ATM: variants seen among roughly 807,000 people sequenced by gnomAD.
ATM encodes serine-protein kinase ATM.
Under a neutral mutation model 387.0 loss-of-function variants are expected in ATM, and 308 were observed. The observed-to-expected ratio is 0.80, with a 90% CI of 0.73 to 0.87. ATM has a LOEUF of 0.87. Ranked by LOEUF, ATM falls within the 40% of genes least tolerant of loss-of-function variation. ATM has a pLI of 0.00. For synonymous variants in ATM, 1,156 were observed against 1,187.3 expected (o/e 0.97, Z 0.54); for missense variants, 3,312 against 3,560.9 (o/e 0.93, Z 1.78).
At chr11:108,265,707 T>C (rs1345711244) in intron 16 of ATM, among the ~76,000 whole-genome samples, 1 of 143,030 alleles carries the variant, frequency 7.0e-6, no homozygotes, top group Non-Finnish European at 1.5e-5. Context: ...ACCTACAAAA[T>C]GGGAGAAAAT....
At chr11:108,258,708 G>A (rs2080665669) in intron 15 of ATM, among the ~76,000 whole-genome samples, 1 of 152,074 alleles carries the variant, frequency 6.6e-6, no homozygotes, top group South Asian at 2.1e-4. Context: ...TGGTGTAAGT[G>A]GGGAAGGAGA....
At chr11:108,355,280 C>T (rs1032878497) in intron 61 of ATM, 1 of 233,016 alleles carries the variant, frequency 4.3e-6, no homozygotes, top group Non-Finnish European at 8.5e-6. Flanking sequence ...AAATTGTCAG[C>T]ATCATTACTA....
chr11:108,258,973 G>T lies in ATM; in HGVS notation c.2377-13G>T. ...TTCTTTGTTGCTTGGTTCTTTGTTT[G>T]TCTTAATTGCAGAAGAGTCCAAATA... On this transcript the variant is annotated splice_polypyrimidine_tract_variant and intron_variant, in intron 15 of 62. Transcript: ENST00000675843. 6.2e-7 allele frequency: 1 copy of T among 1,604,072 alleles called. No homozygotes were observed. The highest frequency in any genetic ancestry group is 8.5e-7 in the Non-Finnish European group (1 of 1,171,248).
chr11:108,247,317 C>T (rs2079904207), intron 8 of ATM, among the ~76,000 whole-genome samples, 190 bp downstream of exon 8: 2 of 152,032 alleles, frequency 1.3e-5, no homozygotes, highest in African/African-American at 4.8e-5. Context: ...AATGCTTTTG[C>T]AGATATTTGA....
intron 16 of ATM, among the ~76,000 whole-genome samples, chr11:108,264,197 A>G (rs1178281645): frequency 2.0e-5 from 3 of 152,040 alleles, no homozygotes; most frequent in Admixed American, 2.0e-4. Flanking sequence ...ATGTTAGACC[A>G]ATATCCTTGA....
intron 4 of ATM, among the ~76,000 whole-genome samples, chr11:108,234,201 A>T (rs1315448052): frequency 1.3e-5 from 2 of 152,216 alleles, no homozygotes; most frequent in Non-Finnish European, 2.9e-5. Context: ...GCCTAAAATT[A>T]TGAAGTGAGC....
rs1349996464 is a variant in ATM, at chr11:108,354,791, TATA to T, written c.8787-17_8787-15del. ...ATTGGTGTGTAACAAAATCCGTATT[TATA>T]ATGTGTTTGACTCTAGATGCTGTGA... is the stretch of plus-strand genomic sequence containing the variant. On this transcript the variant is annotated splice_polypyrimidine_tract_variant and intron_variant, in intron 60 of 62. Coordinates refer to ENST00000675843, the MANE Select transcript of ATM (RefSeq NM_000051.4). 6.2e-7 allele frequency: 1 copy of T among 1,607,290 alleles called. No individual in the cohort carries two copies. Among genetic ancestry groups the T allele is most frequent in the Middle Eastern group, 1.7e-4 (1 of 6,044 alleles).
rs2086015388 is a variant in ATM, at chr11:108,329,308, G to C, written c.7307+70G>C. ...CTGAGTGAGTGTTTTTGCATAGAAA[G>C]AGTGACTTGGTCTTTTTATCTGATA... On this transcript the variant is annotated intron_variant, in intron 49 of 62. Transcript: ENST00000675843. The C allele has an allele frequency of 2.4e-5, 33 of 1,357,128 alleles. No homozygotes were observed. The African/African-American group carries it at 2.6e-4, about 11-fold the overall frequency. 84.1% of individuals were successfully genotyped at this position (1,357,128 alleles called of 1,614,324 possible).
chr11:108,365,126 G>T lies in ATM; in HGVS notation c.8895G>T (p.Leu2965Phe), dbSNP rs200899512. 14 of 1,614,138 alleles carry T rather than the reference G, an allele frequency of 8.7e-6. No homozygotes were observed. Among genetic ancestry groups the T allele is most frequent in the Non-Finnish European group, 1.2e-5 (14 of 1,180,008 alleles). The change falls in exon 62 of 63, where the codon TTG (leucine) becomes TTT (phenylalanine). Residue 2965 changes from leucine (L) to phenylalanine (F), a missense_variant. Coordinates refer to ENST00000675843, the MANE Select transcript of ATM (RefSeq NM_000051.4). ...DPLFDWTMNP[L>F]KALYLQQRPE... ...TCTTTGACTGGACCATGAATCCTTT[G>T]AAAGCTTTGTATTTACAGCAGAGGC...
intron 1 of ATM, chr11:108,225,911 G>A (rs1485630214): frequency 6.6e-6 from 1 of 152,154 alleles, no homozygotes; most frequent in African/African-American, 2.4e-5. Context: ...TTGAATCGGG[G>A]CAGAGAAACA....
chr11:108,279,059 A>T (rs1179154389), intron 22 of ATM, among the ~76,000 whole-genome samples: 1 of 152,218 alleles, frequency 6.6e-6, no homozygotes, highest in East Asian at 1.9e-4. Flanking sequence ...ACTTTTTTCC[A>T]TCACATAAAA....
intron 16 of ATM, 122 bp from the exon 17 acceptor site, chr11:108,267,049 G>A (rs546030478): frequency 2.0e-6 from 2 of 983,076 alleles, no homozygotes; most frequent in South Asian, 1.4e-5. Context: ...ACCTGGCTCT[G>A]CCTCCCAAAT....
chr11:108,259,095 T>G lies in ATM; in HGVS notation c.2466+20T>G, dbSNP rs1274505454. The G allele has an allele frequency of 6.3e-7, 1 of 1,591,484 alleles. No individual in the cohort carries two copies. The highest frequency in any genetic ancestry group is 8.6e-7 in the Non-Finnish European group (1 of 1,161,786). ...AGTTTAGTAAGTATGCTTCCTGTTT[T>G]GCTATCATATTTTGATTCTAATAGG... On this transcript the variant is annotated intron_variant, in intron 16 of 62. Coordinates refer to ENST00000675843, the MANE Select transcript of ATM (RefSeq NM_000051.4).
At chr11:108,256,784 T>G (rs918860865) in intron 14 of ATM, among the ~76,000 whole-genome samples, 6 of 152,200 alleles carry the variant, frequency 3.9e-5, no homozygotes, top group African/African-American at 1.4e-4. Flanking sequence ...TTTCTGTTCT[T>G]GTGTTAGTTT....
At chr11:108,336,073 G>A in intron 56 of ATM, 112 bp downstream of exon 56, 3 of 793,992 alleles carry the variant, frequency 3.8e-6, no homozygotes, top group Non-Finnish European at 4.3e-6. Context: ...AAGGTGGGAG[G>A]ATTGCTTGAG....
chr11:108,363,985 T>C (rs1279118258), intron 61 of ATM, among the ~76,000 whole-genome samples: 1 of 152,210 alleles, frequency 6.6e-6, no homozygotes, highest in Non-Finnish European at 1.5e-5. Context: ...GCCATGTCAG[T>C]GCCCAACTTG....
intron 11 of ATM, 71 bp downstream of exon 11, chr11:108,252,102 G>A: frequency 7.6e-7 from 1 of 1,315,138 alleles, no homozygotes; most frequent in South Asian, 1.2e-5. Context: ...CTTATTTGAT[G>A]CCAGATGGCT....
chr11:108,297,721 CAAAATAAGTGA>C (rs1658727751), intron 33 of ATM, among the ~76,000 whole-genome samples: 1 of 151,998 alleles, frequency 6.6e-6, no homozygotes, highest in East Asian at 1.9e-4. Context: ...ATTATATCTT[CAAAATAAGTGA>C]GGGTTTGTCA....
At chr11:108,250,300 G>T (rs2080064471) in intron 9 of ATM, among the ~76,000 whole-genome samples, 1 of 151,978 alleles carries the variant, frequency 6.6e-6, no homozygotes, top group South Asian at 2.1e-4. Flanking sequence ...TTCCAGGCAT[G>T]TGCCACCATG....
Sources: allele counts gnomAD v4.1 joint callset (sites outside exome capture counted in the v4.1 genomes callset), GRCh38; gene constraint gnomAD v4.1.1; transcripts MANE v1.5; gene names NCBI Gene and HGNC (gene_info 2026-07-23, HGNC 2026-07-21).